The following PDZRN4 variants were observed in gnomAD, a reference collection of about 807,000 sequenced individuals.
PDZRN4 encodes PDZ domain containing ring finger 4, also known as PDZ domain-containing RING finger protein 4.
A neutral mutation model predicts 99.0 loss-of-function variants in PDZRN4; 70 were observed. The ratio of observed to expected loss-of-function variants is 0.71; its 90% CI spans 0.58 to 0.86. The LOEUF is 0.86. PDZRN4 is among the 40% of genes least tolerant of loss of function. PDZRN4 has a pLI of 0.00. For synonymous variants in PDZRN4, 551 were observed against 501.6 expected (o/e 1.10, Z -1.32); for missense variants, 1,474 against 1,331.2 (o/e 1.11, Z -1.67).
chr12:41,239,380 C>T (rs1049566795), intron 3 of PDZRN4, among the ~76,000 whole-genome samples: 19 of 152,090 alleles, frequency 1.2e-4, no homozygotes, highest in African/African-American at 4.1e-4. Context: ...GCCTTAATAC[C>T]TAGGTGATGG....
chr12:41,219,310 G>C (rs1308689208), intron 3 of PDZRN4, among the ~76,000 whole-genome samples: 1 of 152,094 alleles, frequency 6.6e-6, no homozygotes, highest in African/African-American at 2.4e-5. Flanking sequence ...TGATGATTGA[G>C]TAGGAGTTCA....
At chr12:41,346,235 G>T (rs186822176) in intron 3 of PDZRN4, among the ~76,000 whole-genome samples, 1 of 152,138 alleles carries the variant, frequency 6.6e-6, no homozygotes, top group African/African-American at 2.4e-5. Flanking sequence ...GGCCGAGGCG[G>T]GCAGATCACG....
intron 3 of PDZRN4, among the ~76,000 whole-genome samples, chr12:41,352,689 G>A (rs1565559930): frequency 6.6e-6 from 1 of 152,052 alleles, no homozygotes. Flanking sequence ...AGTACGTGGA[G>A]GTGGGTGATT....
chr12:41,387,871 G>T (rs1399104705), intron 3 of PDZRN4, among the ~76,000 whole-genome samples: 1 of 152,144 alleles, frequency 6.6e-6, no homozygotes. Context: ...CAGTGTGATG[G>T]TTCCTCAAGA....
At chr12:41,313,419 TG>T (rs1951619732) in intron 3 of PDZRN4, among the ~76,000 whole-genome samples, 1 of 152,220 alleles carries the variant, frequency 6.6e-6, no homozygotes, top group Non-Finnish European at 1.5e-5. Context: ...ACTAACAAGT[TG>T]CTCTCACTGG....
chr12:41,375,548 C>T (rs1045135928), intron 3 of PDZRN4, among the ~76,000 whole-genome samples: 1 of 152,076 alleles, frequency 6.6e-6, no homozygotes, highest in African/African-American at 2.4e-5. Flanking sequence ...ACAAATGAGG[C>T]AATTAAAACC....
intron 3 of PDZRN4, among the ~76,000 whole-genome samples, chr12:41,194,903 T>G (rs1032411391): frequency 3.9e-5 from 6 of 152,200 alleles, no homozygotes; most frequent in African/African-American, 1.4e-4. Context: ...GTAATTAATA[T>G]TTTATATGTA....
At chr12:41,427,593 G>A (rs895749219) in intron 3 of PDZRN4, among the ~76,000 whole-genome samples, 1 of 152,172 alleles carries the variant, frequency 6.6e-6, no homozygotes, top group Non-Finnish European at 1.5e-5. Context: ...TCCTGGGCCA[G>A]AATGTGTAAT....
At chr12:41,352,551 A>G (rs905416257) in intron 3 of PDZRN4, among the ~76,000 whole-genome samples, 1 of 152,150 alleles carries the variant, frequency 6.6e-6, no homozygotes, top group African/African-American at 2.4e-5. Flanking sequence ...TTTTAAAGTG[A>G]AACAAAAAAA....
At chr12:41,441,547 A>G (rs907541382) in intron 3 of PDZRN4, among the ~76,000 whole-genome samples, 8 of 152,148 alleles carry the variant, frequency 5.3e-5, no homozygotes, top group Non-Finnish European at 1.2e-4. Context: ...CCTAAGCATC[A>G]TCTTATTTAA....
chr12:41,366,179 T>C (rs1336046873), intron 3 of PDZRN4, among the ~76,000 whole-genome samples: 1 of 152,148 alleles, frequency 6.6e-6, no homozygotes, highest in Non-Finnish European at 1.5e-5. Flanking sequence ...CTTGTTACCC[T>C]GGTCCTAATT....
intron 3 of PDZRN4, among the ~76,000 whole-genome samples, chr12:41,478,678 A>G (rs1937628043): frequency 6.6e-6 from 1 of 152,174 alleles, no homozygotes. Flanking sequence ...TACAACTGTG[A>G]TGACAACATG....
chr12:41,526,481 G>A (rs562656686), intron 5 of PDZRN4, among the ~76,000 whole-genome samples: 214 of 152,130 alleles, frequency 1.4e-3, no homozygotes, highest in Non-Finnish European at 2.0e-3. Context: ...TCCAATGCAC[G>A]AAGAGTTGCC....
chr12:41,286,336 C>CTTCT (rs1951422283), intron 3 of PDZRN4, among the ~76,000 whole-genome samples: 2 of 106,294 alleles, frequency 1.9e-5, no homozygotes, highest in Non-Finnish European at 3.7e-5. Flanking sequence ...CCTTCTTCTT[C>CTTCT]TTTTTTTTTT....
chr12:41,300,276 T>G (rs2120928728), intron 3 of PDZRN4, among the ~76,000 whole-genome samples: 1 of 152,062 alleles, frequency 6.6e-6, no homozygotes. Context: ...TGCAACTTTG[T>G]TTTTGAAAAC....
chr12:41,311,252 T>C (rs1951604738), intron 3 of PDZRN4, among the ~76,000 whole-genome samples: 2 of 145,056 alleles, frequency 1.4e-5, no homozygotes, highest in Non-Finnish European at 3.0e-5. Context: ...GTATGATGTC[T>C]ATGCTATAAG....
At chr12:41,491,280 T>C (rs1382688109) in intron 3 of PDZRN4, among the ~76,000 whole-genome samples, 1 of 152,090 alleles carries the variant, frequency 6.6e-6, no homozygotes, top group East Asian at 1.9e-4. Flanking sequence ...CCCAGCACTT[T>C]GGGAGGCCGA....
intron 3 of PDZRN4, among the ~76,000 whole-genome samples, chr12:41,255,142 T>C (rs924705484): frequency 2.0e-5 from 3 of 152,040 alleles, no homozygotes; most frequent in Non-Finnish European, 2.9e-5. Flanking sequence ...GAGTGATTTA[T>C]GGGGAAATCT....
At chr12:41,428,844 G>A (rs1268955183) in intron 3 of PDZRN4, among the ~76,000 whole-genome samples, 2 of 152,140 alleles carry the variant, frequency 1.3e-5, no homozygotes, top group African/African-American at 4.8e-5. Context: ...ATCTAGGAAA[G>A]TGGCATAGGA....
Sources: allele counts gnomAD v4.1 joint callset (sites outside exome capture counted in the v4.1 genomes callset), GRCh38; gene constraint gnomAD v4.1.1; transcripts MANE v1.5; gene names NCBI Gene and HGNC (gene_info 2026-07-23, HGNC 2026-07-21).